The following ZFP90 variants were observed in gnomAD, a reference collection of about 807,000 sequenced individuals.
The protein encoded by ZFP90 is ZFP90 zinc finger protein, also known as zinc finger protein 90 homolog.
ZFP90 carries 38 observed loss-of-function variants against 60.8 expected under a neutral mutation model. The observed-to-expected ratio is 0.62, with a 90% CI of 0.48 to 0.82. The LOEUF is 0.82. ZFP90 is among the 40% of genes least tolerant of loss of function. The probability of loss-of-function intolerance (pLI) is 0.00; values close to 1 mark genes in which losing one functional copy is unlikely to be tolerated. For synonymous variants in ZFP90, 287 were observed against 264.8 expected, an observed-to-expected ratio of 1.08 and a Z score of -0.82; for missense variants, 711 against 759.1, an observed-to-expected ratio of 0.94 and a Z score of 0.74.
intron 2 of ZFP90, among the ~76,000 whole-genome samples, chr16:68,542,925 GGACA>G (rs1168325474): frequency 6.6e-6 from 1 of 152,094 alleles, no homozygotes; most frequent in Non-Finnish European, 1.5e-5. Flanking sequence ...ATTCTAGAGA[GGACA>G]GACAGAAGAA....
rs1277145273 is a variant in ZFP90 at position 68,563,112 on chromosome 16, A to G, written c.325A>G (p.Thr109Ala). ...QQDVSEVSHCTHDLLHATLED... is the reference protein window; with the variant it reads ...QQDVSEVSHCAHDLLHATLED... Reference sequence around the variant, plus strand: ...GGATGTATCAGAAGTATCCCACTGCACACATGATCTCTTACATGCTACATT... The same window carrying G: ...GGATGTATCAGAAGTATCCCACTGCGCACATGATCTCTTACATGCTACATT... The change falls in exon 5 of 5, where the codon ACA becomes GCA. Residue 109 changes from threonine (T) to alanine (A), a missense_variant. Coordinates refer to ENST00000563169, the MANE Select transcript of ZFP90 (RefSeq NM_001305203.2). 8 of 1,614,190 alleles carry G rather than the reference A, an allele frequency of 5.0e-6. No homozygotes were observed. The highest frequency in any genetic ancestry group is 6.8e-6 in the Non-Finnish European group (8 of 1,180,030).
rs1363069465 is a variant in ZFP90, at chr16:68,565,775, A to G, written c.*1077A>G. The stretch of plus-strand genomic sequence containing the variant: ...TTGCCATAAATTTTGCCTTGTACTC[A>G]GAGAAGCAACATGCACTGGCTCATT... On this transcript the variant is annotated 3_prime_UTR_variant, in exon 5 of 5. Coordinates refer to ENST00000563169, the MANE Select transcript of ZFP90 (RefSeq NM_001305203.2). The G allele has an allele frequency of 2.0e-6, 2 of 985,408 alleles. No individual in the cohort carries two copies. Among genetic ancestry groups the G allele is most frequent in the African/African-American group, 3.5e-5 (2 of 57,242 alleles). The allele number at this position is 985,408 out of a possible 1,614,324, so 61.0% of individuals were successfully genotyped here. A position where few individuals can be genotyped will look rare whatever the true frequency, so the allele number is the denominator to read the frequency against.
At position 68,563,765 on chromosome 16, in the gene ZFP90, T is replaced by G; in HGVS notation, c.978T>G (p.Val326=). ...CCTTCCAGCGCAGCTCCTCCCTTGTTCAACACCAGCGAATTCACACTGGAG... is the reference window on the plus strand; with the variant it reads ...CCTTCCAGCGCAGCTCCTCCCTTGTGCAACACCAGCGAATTCACACTGGAG... ...GKAFQRSSSL[V]QHQRIHTGEK... is the part of the protein sequence containing the mutation. The change falls in exon 5 of 5, where the codon GTT becomes GTG. Residue 326 remains valine (V), a synonymous_variant. Transcript: ENST00000563169. 1.9e-6 allele frequency: 3 copies of G among 1,614,078 alleles called. No homozygotes were observed. The highest frequency in any genetic ancestry group is 1.6e-4 in the Middle Eastern group (1 of 6,062).
chr16:68,552,689 G>T lies in ZFP90; in HGVS notation c.34-5309G>T, dbSNP rs146234200. Among the ~76,000 whole-genome samples the T allele has an allele frequency of 1.4e-3, 206 of 152,274 alleles. 1 individual carries two copies. The highest frequency in any genetic ancestry group is 4.6e-3 in the African/African-American group (192 of 41,538). Reference sequence around the variant, plus strand: ...AGAGTGGGGGCTGTGGAGGTCCCCAGGGGACTAGGCCATGAAGGGCTCTGA... The same window carrying T: ...AGAGTGGGGGCTGTGGAGGTCCCCATGGGACTAGGCCATGAAGGGCTCTGA... On this transcript the variant is annotated intron_variant, in intron 2 of 4. Coordinates refer to ENST00000563169, the MANE Select transcript of ZFP90 (RefSeq NM_001305203.2).
At chr16:68,533,912 C>T (rs1278249090) in intron 2 of ZFP90, 1 of 152,170 alleles carries the variant, frequency 6.6e-6, no homozygotes, top group East Asian at 1.9e-4. Flanking sequence ...TCTATAGTTT[C>T]ACTATGATGT....
chr16:68,557,263 C>G (rs1489937228), intron 2 of ZFP90: 2 of 455,890 alleles, frequency 4.4e-6, no homozygotes, highest in African/African-American at 2.0e-5. Context: ...TTCTGCCGGC[C>G]TTGACCTCTC....
intron 2 of ZFP90, among the ~76,000 whole-genome samples, chr16:68,550,123 T>A (rs1451353424): frequency 2.0e-5 from 3 of 152,216 alleles, no homozygotes; most frequent in Non-Finnish European, 4.4e-5. Context: ...TGAAATTAAT[T>A]TTAGTAATAA....
chr16:68,563,650 G>T lies in ZFP90; in HGVS notation c.863G>T (p.Gly288Val). 2 of 1,614,162 alleles carry T rather than the reference G, an allele frequency of 1.2e-6. No individual in the cohort carries two copies. Among genetic ancestry groups the T allele is most frequent in the East Asian group, 2.2e-5 (1 of 44,890 alleles). ...AAACCCTTTGAATGCAATGTATGTGGAAAGGCCTTCAGGCATAGCTCATCT... is the reference window on the plus strand; with the variant it reads ...AAACCCTTTGAATGCAATGTATGTGTAAAGGCCTTCAGGCATAGCTCATCT... ...GEKPFECNVC[G>V]KAFRHSSSLG... The change falls in exon 5 of 5, where the codon GGA becomes GTA. Residue 288 changes from glycine (G) to valine (V), a missense_variant. Transcript: ENST00000563169.
Position 68,564,432 on chromosome 16 carries a change from G to A in ZFP90, c.1645G>A (p.Gly549Arg), listed in dbSNP as rs1245561574. ...TACTCAACATGAGAGAACCCACACT[G>A]GAGAGAAACCCTATGAATGTATTGA... ...SLTQHERTHT[G>R]EKPYECIDCG... Residue 549 changes from glycine to arginine, a missense_variant, in exon 5 of 5, where the codon GGA becomes AGA. Transcript: ENST00000563169. 9 of 1,614,004 alleles carry A rather than the reference G, an allele frequency of 5.6e-6. No homozygotes were observed. Among genetic ancestry groups the A allele is most frequent in the Non-Finnish European group, 7.6e-6 (9 of 1,179,956 alleles).
chr16:68,558,438 A>C (rs543223924), intron 3 of ZFP90, 35 bp from the exon 4 acceptor site: 12 of 1,601,424 alleles, frequency 7.5e-6, no homozygotes, highest in African/African-American at 6.7e-5. Context: ...CCACTTGCAC[A>C]AACAACCAAA....
chr16:68,561,660 G>GT (rs1346656165), intron 4 of ZFP90, among the ~76,000 whole-genome samples: 25 of 152,128 alleles, frequency 1.6e-4, no homozygotes, highest in African/African-American at 5.8e-4. Flanking sequence ...AGAGCATATA[G>GT]AAAGCAATCA....
chr16:68,541,697 T>TAA (rs1295380605), intron 2 of ZFP90, among the ~76,000 whole-genome samples: 1 of 152,148 alleles, frequency 6.6e-6, no homozygotes, highest in Non-Finnish European at 1.5e-5. Flanking sequence ...ACAAGACAGT[T>TAA]ACTTGGTTTG....
rs1555496914 is a variant in ZFP90, at chr16:68,534,229, C to CTTTTTTTTTTTTTTTTTTTTTT, written c.-36+377_-36+378insTTTTTTTTTTTTTTTTTTTTTT. On this transcript the variant is annotated intron_variant, in intron 2 of 3. Transcript: ENST00000569109. ...CATTTTTAACTTAAAGATTTTCTTT[C>CTTTTTTTTTTTTTTTTTTTTTT]TTTCTTTTTTTTTTTTTGAGACAGC... 1.5e-5 allele frequency among the ~76,000 whole-genome samples: 2 copies of CTTTTTTTTTTTTTTTTTTTTTT among 135,148 alleles called. 1 individual carries two copies. The highest frequency in any genetic ancestry group is 3.1e-5 in the Non-Finnish European group (2 of 64,078). The allele number at this position is 135,148 out of a possible 152,430, so 88.7% of individuals were successfully genotyped here. A position where few individuals can be genotyped will look rare whatever the true frequency, so the allele number is the denominator to read the frequency against.
rs2091469628 is a variant in ZFP90, at chr16:68,563,570, A to G, written c.783A>G (p.Lys261=). 3 of 1,614,256 alleles carry G rather than the reference A, an allele frequency of 1.9e-6. No homozygotes were observed. Among genetic ancestry groups the G allele is most frequent in the Non-Finnish European group, 2.5e-6 (3 of 1,180,036 alleles). ...KKHHECTDCG[K]TFLWKTQLTE... is the part of the protein sequence containing the mutation. ...ACCATGAATGTACCGACTGTGGGAA[A>G]ACCTTTCTCTGGAAGACACAGCTTA... Residue 261 remains lysine (K), a synonymous_variant, in exon 5 of 5, where the codon AAA becomes AAG. Transcript: ENST00000563169.
Position 68,539,747 on chromosome 16 carries a change from T to C in ZFP90, c.-35-11T>C, listed in dbSNP as rs990196683. On this transcript the variant is annotated splice_polypyrimidine_tract_variant and intron_variant, in intron 1 of 4. Transcript: ENST00000563169. ...GCAGCGGGGTGAGTGGGCCCTGTCC[T>C]TTCTCCCCAGCTCCTGCCCCGGAGC... 32 of 1,546,624 alleles carry C rather than the reference T, an allele frequency of 2.1e-5. No individual in the cohort carries two copies. Among genetic ancestry groups the C allele is most frequent in the Non-Finnish European group, 2.8e-5 (32 of 1,145,616 alleles).
upstream of ZFP90, among the ~76,000 whole-genome samples, chr16:68,538,155 G>A (rs577143365): frequency 7.2e-4 from 109 of 151,806 alleles, no homozygotes; most frequent in African/African-American, 2.5e-3. Context: ...CAGGTGATCC[G>A]CCAGCCTCAG....
chr16:68,561,739 A>C (rs934713865), intron 4 of ZFP90, among the ~76,000 whole-genome samples: 2 of 152,198 alleles, frequency 1.3e-5, no homozygotes, highest in African/African-American at 2.4e-5. Flanking sequence ...TCATTTCCAC[A>C]AGCATTTTTT....
chr16:68,569,878 C>T (rs530211270), downstream of ZFP90, among the ~76,000 whole-genome samples: 8 of 152,270 alleles, frequency 5.3e-5, no homozygotes, highest in African/African-American at 1.9e-4. Context: ...ACTTTGTTCT[C>T]TTACCTAAGA....
In ZFP90 at chr16:68,563,399, T is replaced by C. The variant is rs1331757043; in HGVS notation, c.612T>C (p.Ile204=). ...CAGACTTACTTAATGAGAATAATAT[T>C]CTTGCAAAAAAGAAACCCTATAAGT... ...HNADLLNENN[I]LAKKKPYKCD... is the part of the protein sequence containing the mutation. The change falls in exon 5 of 5, where the codon ATT becomes ATC. Residue 204 remains isoleucine, a synonymous_variant. Transcript: ENST00000563169. 6.2e-7 allele frequency: 1 copy of C among 1,611,822 alleles called. No homozygotes were observed. The highest frequency in any genetic ancestry group is 8.5e-7 in the Non-Finnish European group (1 of 1,179,572).
Sources: allele counts gnomAD v4.1 joint callset (sites outside exome capture counted in the v4.1 genomes callset), GRCh38; gene constraint gnomAD v4.1.1; transcripts MANE v1.5; gene names NCBI Gene and HGNC (gene_info 2026-07-23, HGNC 2026-07-21).